Variants in UBXN7 observed in about 807,000 individuals in gnomAD.
UBXN7 encodes UBX domain protein 7.
A neutral mutation model predicts 58.0 loss-of-function variants in UBXN7; 9 were observed. That is an observed-to-expected ratio of 0.16 (90% CI 0.09 to 0.27). UBXN7 has a LOEUF of 0.27. UBXN7 is among the 10% of genes least tolerant of loss of function. The pLI is 1.00. For synonymous variants in UBXN7, 208 were observed against 205.0 expected, an observed-to-expected ratio of 1.01 and a Z score of -0.12; for missense variants, 328 against 599.6, an observed-to-expected ratio of 0.55 and a Z score of 4.73.
chr3:196,351,086 AAGGC>A lies in UBXN7; in HGVS notation c.*5595_*5598del, dbSNP rs926666118. ...CTGCGTAGTTACATGATGGTCAAAAAAGGCAGAGAGACGGTAAGAATGACATAAT... is the reference window on the plus strand; with the variant it reads ...CTGCGTAGTTACATGATGGTCAAAAAAGAGAGACGGTAAGAATGACATAAT... On this transcript the variant is annotated 3_prime_UTR_variant, in exon 11 of 11. Transcript: ENST00000296328. The A allele has an allele frequency of 6.6e-6, 1 of 152,242 alleles. No individual in the cohort carries two copies. The highest frequency in any genetic ancestry group is 6.5e-5 in the Admixed American group (1 of 15,286). The allele number at this position is 152,242 out of a possible 1,614,324, so 9.4% of individuals were successfully genotyped here. A position where few individuals can be genotyped will look rare whatever the true frequency, so the allele number is the denominator to read the frequency against.
intron 6 of UBXN7, among the ~76,000 whole-genome samples, chr3:196,370,551 G>C (rs534727690): frequency 6.6e-6 from 1 of 151,608 alleles, no homozygotes; most frequent in Non-Finnish European, 1.5e-5. Flanking sequence ...AGAGCTGCTC[G>C]ATCAATATTT....
chr3:196,413,166 C>T (rs1437096333), intron 1 of UBXN7, among the ~76,000 whole-genome samples: 4 of 151,900 alleles, frequency 2.6e-5, no homozygotes, highest in Non-Finnish European at 4.4e-5. Context: ...GGTGAAACCC[C>T]GTCTCCACTA....
Position 196,402,992 on chromosome 3 carries a change from T to C in UBXN7, c.249A>G (p.Gln83=). 2 of 1,597,740 alleles carry C rather than the reference T, an allele frequency of 1.3e-6. No individual in the cohort carries two copies. The highest frequency in any genetic ancestry group is 1.7e-6 in the Non-Finnish European group (2 of 1,176,640). Residue 83 remains glutamine, a synonymous_variant, in exon 3 of 11, where the codon CAA becomes CAG. Coordinates refer to ENST00000296328, the MANE Select transcript of UBXN7 (RefSeq NM_015562.2). Reference sequence around the variant, plus strand: ...CTGGTTCCACCAGTATTTCCTGCTTTTGAGGAATTGGGGCACGAACTTCTT... The same window carrying C: ...CTGGTTCCACCAGTATTTCCTGCTTCTGAGGAATTGGGGCACGAACTTCTT... The part of the protein sequence containing the change: ...TEEEVRAPIP[Q]KQEILVEPEP...
chr3:196,432,240 A>C (rs947718817), intron 1 of UBXN7, 87 bp downstream of exon 1: 1 of 1,546,868 alleles, frequency 6.5e-7, no homozygotes, highest in Admixed American at 1.8e-5. Flanking sequence ...CCGAAGGAGG[A>C]ATGCCTGAAG....
intron 3 of UBXN7, among the ~76,000 whole-genome samples, chr3:196,399,472 T>C (rs964448498): frequency 5.9e-5 from 9 of 152,132 alleles, no homozygotes; most frequent in Non-Finnish European, 1.2e-4. Flanking sequence ...GGCCTCACTC[T>C]GTTATACAGG....
chr3:196,408,447 T>A (rs1378359766), intron 1 of UBXN7, among the ~76,000 whole-genome samples: 1 of 152,220 alleles, frequency 6.6e-6, no homozygotes, highest in East Asian at 1.9e-4. Flanking sequence ...CATACACATG[T>A]CCAGCATAGC....
chr3:196,431,776 G>A (rs1269168552), intron 1 of UBXN7: 1 of 445,066 alleles, frequency 2.2e-6, no homozygotes, highest in Non-Finnish European at 4.5e-6. Context: ...AGGCACGGCC[G>A]AACCCACCGG....
chr3:196,361,469 A>G (rs1728503584), intron 10 of UBXN7, among the ~76,000 whole-genome samples: 1 of 152,206 alleles, frequency 6.6e-6, no homozygotes, highest in Admixed American at 6.5e-5. Flanking sequence ...CTGTGGGTAA[A>G]ATACTATCAA....
intron 5 of UBXN7, among the ~76,000 whole-genome samples, chr3:196,389,647 A>G (rs973920316): frequency 6.6e-5 from 10 of 152,334 alleles, no homozygotes; most frequent in African/African-American, 2.4e-4. Context: ...GCCTTCTGCC[A>G]TGACTGCAAG....
At chr3:196,356,994 T>TCCCCAA in intron 10 of UBXN7, 148 bp from the exon 11 acceptor site, 1 of 1,079,594 alleles carries the variant, frequency 9.3e-7, no homozygotes, top group Non-Finnish European at 1.3e-6. Flanking sequence ...AGCTTGCCCT[T>TCCCCAA]GGGGAAGGGC....
intron 2 of UBXN7, among the ~76,000 whole-genome samples, chr3:196,403,984 C>T (rs1244784580): frequency 1.3e-5 from 2 of 151,726 alleles, no homozygotes; most frequent in African/African-American, 4.8e-5. Flanking sequence ...CATGGTGGCT[C>T]ATGCCTGTAA....
At chr3:196,413,900 T>C (rs1231693222) in intron 1 of UBXN7, among the ~76,000 whole-genome samples, 1 of 152,194 alleles carries the variant, frequency 6.6e-6, no homozygotes, top group Non-Finnish European at 1.5e-5. Context: ...ACAATGTAAA[T>C]GCTATTACAT....
At chr3:196,357,604 C>T (rs890195259) in intron 10 of UBXN7, among the ~76,000 whole-genome samples, 3 of 152,100 alleles carry the variant, frequency 2.0e-5, no homozygotes, top group African/African-American at 7.2e-5. Context: ...AAAATCCCAT[C>T]TCATCAAAAA....
chr3:196,366,910 C>T (rs574993599), intron 8 of UBXN7, among the ~76,000 whole-genome samples: 80 of 152,028 alleles, frequency 5.3e-4, no homozygotes, highest in African/African-American at 1.9e-3. Flanking sequence ...AGGACGGGCG[C>T]GTTAGCTCAC....
chr3:196,348,408 A>G lies in UBXN7; in HGVS notation c.*8277T>C, dbSNP rs905897978. The G allele has an allele frequency of 6.6e-6, 1 of 152,210 alleles. No individual in the cohort carries two copies. Among genetic ancestry groups the G allele is most frequent in the African/African-American group, 2.4e-5 (1 of 41,438 alleles). 9.4% of individuals were successfully genotyped at this position (152,210 alleles called of 1,614,324 possible). On this transcript the variant is annotated 3_prime_UTR_variant, in exon 11 of 11. Transcript: ENST00000296328. The stretch of plus-strand genomic sequence containing the variant: ...ATTTTAGGGAGCACTTGCCAGAAAC[A>G]TTACAACAGGAGCACTGTCTCTGTT...
At chr3:196,361,466 T>C (rs1728503513) in intron 10 of UBXN7, among the ~76,000 whole-genome samples, 1 of 152,168 alleles carries the variant, frequency 6.6e-6, no homozygotes, top group Admixed American at 6.5e-5. Context: ...CTACTGTGGG[T>C]AAAATACTAT....
At chr3:196,382,888 G>C (rs1196084218) in intron 5 of UBXN7, among the ~76,000 whole-genome samples, 1 of 152,196 alleles carries the variant, frequency 6.6e-6, no homozygotes, top group Non-Finnish European at 1.5e-5. Context: ...GGCCAAGGCA[G>C]GCAGATCACG....
chr3:196,416,929 G>C (rs1366689399), intron 1 of UBXN7, among the ~76,000 whole-genome samples: 1 of 152,176 alleles, frequency 6.6e-6, no homozygotes, highest in African/African-American at 2.4e-5. Flanking sequence ...TTTTTGGGGA[G>C]AGGTAAGAAA....
chr3:196,370,730 A>T (rs1301671618), intron 6 of UBXN7, among the ~76,000 whole-genome samples: 1 of 151,798 alleles, frequency 6.6e-6, no homozygotes, highest in East Asian at 1.9e-4. Flanking sequence ...AATAAAAAAT[A>T]AAAAAATTGA....
Sources: gnomAD v4.1 joint callset for allele counts (sites outside exome capture counted in the v4.1 genomes callset) on GRCh38, gnomAD v4.1.1 for gene constraint, MANE v1.5 for transcripts, NCBI Gene and HGNC (gene_info 2026-07-23, HGNC 2026-07-21) for gene names.